Variants in NOTCH2NLB observed in about 807,000 individuals in gnomAD.
NOTCH2NLB encodes notch homolog 2 N-terminal-like protein B.
Under a neutral mutation model 14.8 loss-of-function variants are expected in NOTCH2NLB, and 1 was observed. That is an observed-to-expected ratio of 0.07 (90% confidence interval 0.02 to 0.32). The LOEUF is 0.32. NOTCH2NLB is among the 10% of genes least tolerant of loss of function. The pLI is 1.00. For missense variants in NOTCH2NLB, 11 were observed against 155.0 expected (o/e 0.07, Z 4.93); for synonymous variants, 6 against 57.5 (o/e 0.10, Z 4.05).
At chr1:148,661,332 T>G (rs1664678086) in intron 1 of NOTCH2NLB, among the ~76,000 whole-genome samples, 1 of 150,056 alleles carries the variant, frequency 6.7e-6, no homozygotes, top group Non-Finnish European at 1.5e-5. Flanking sequence ...CCAAGGTCTA[T>G]TCCTCCTCCC....
intron 3 of NOTCH2NLB, among the ~76,000 whole-genome samples, chr1:148,615,097 T>C (rs1663772754): frequency 7.3e-6 from 1 of 136,810 alleles, no homozygotes; most frequent in South Asian, 2.5e-4. Context: ...TGTACTTATT[T>C]CTTTTAGTGA....
At chr1:148,702,071 C>T in the NOTCH2NLB span, among the ~76,000 whole-genome samples, 6 of 101,968 alleles carry the variant, frequency 5.9e-5, no homozygotes, top group Middle Eastern at 3.8e-3. Flanking sequence ...AGCAACCTCT[C>T]CTGGTCACTG....
chr1:148,661,934 T>C (rs2149631102), intron 1 of NOTCH2NLB, among the ~76,000 whole-genome samples: 1 of 97,914 alleles, frequency 1.0e-5, no homozygotes, highest in East Asian at 2.6e-4. Flanking sequence ...TACACTGTTG[T>C]GGAAAGACAA....
the NOTCH2NLB span, among the ~76,000 whole-genome samples, chr1:148,708,213 G>A: frequency 3.2e-4 from 8 of 24,758 alleles, no homozygotes; most frequent in Non-Finnish European, 4.9e-4. Flanking sequence ...AAATAATTGC[G>A]TATTCATTTT....
chr1:148,651,160 A>AT (rs1277364573), intron 1 of NOTCH2NLB, among the ~76,000 whole-genome samples: 182 of 46,402 alleles, frequency 3.9e-3, no homozygotes, highest in East Asian at 9.0e-3. Flanking sequence ...AAAAAAAAAA[A>AT]AAATATATAT....
chr1:148,670,539 A>AATATATATATACACAT (rs1664749373), intron 1 of NOTCH2NLB, among the ~76,000 whole-genome samples: 1 of 93,482 alleles, frequency 1.1e-5, no homozygotes, highest in African/African-American at 4.3e-5. Context: ...TAAAAAAAAA[A>AATATATATATACACAT]ATATATATAT....
chr1:148,712,257 CT>C, the NOTCH2NLB span, among the ~76,000 whole-genome samples: 1 of 131,726 alleles, frequency 7.6e-6, no homozygotes, highest in Non-Finnish European at 1.6e-5. Flanking sequence ...AAACACTCAC[CT>C]TGTCCAAGAG....
chr1:148,605,024 T>C (rs1663467150), downstream of NOTCH2NLB, among the ~76,000 whole-genome samples: 1 of 143,516 alleles, frequency 7.0e-6, no homozygotes. Flanking sequence ...TGATTATAAT[T>C]AGGAGTGTCT....
At chr1:148,673,359 A>G (rs1375594187) in intron 1 of NOTCH2NLB, among the ~76,000 whole-genome samples, 1 of 24,198 alleles carries the variant, frequency 4.1e-5, no homozygotes, top group East Asian at 9.2e-4. Flanking sequence ...GAAACCCCAA[A>G]AGCAGGACCA....
intron 2 of NOTCH2NLB, among the ~76,000 whole-genome samples, chr1:148,627,678 C>A (rs1451776609): frequency 2.0e-5 from 3 of 151,474 alleles, no homozygotes; most frequent in South Asian, 2.1e-4. Context: ...ATTTCATTGT[C>A]TCAACTTAAA....
At chr1:148,703,605 G>T in the NOTCH2NLB span, among the ~76,000 whole-genome samples, 18 of 8,330 alleles carry the variant, frequency 2.2e-3, no homozygotes, top group South Asian at 0.013. Context: ...CATAGACCCA[G>T]TTAGACAGAA....
intron 1 of NOTCH2NLB, among the ~76,000 whole-genome samples, chr1:148,658,550 CTTTTTTT>C (rs1194273075): frequency 2.6e-5 from 1 of 38,586 alleles, no homozygotes; most frequent in African/African-American, 9.8e-5. Context: ...CCCAATACCA[CTTTTTTT>C]TTTTTTTTTT....
chr1:148,606,521 T>TA (rs1390299237), downstream of NOTCH2NLB, among the ~76,000 whole-genome samples: 1 of 147,690 alleles, frequency 6.8e-6, no homozygotes, highest in Non-Finnish European at 1.5e-5. Context: ...TGTGGCTTAG[T>TA]AATTCATCTG....
At chr1:148,651,144 G>GAAAAA (rs1159790526) in intron 1 of NOTCH2NLB, among the ~76,000 whole-genome samples, 22 of 76,482 alleles carry the variant, frequency 2.9e-4, no homozygotes, top group East Asian at 1.0e-3. Flanking sequence ...CTCTGCCTGA[G>GAAAAA]AAAAAAAAAA....
chr1:148,651,162 A>AATATATATATATATAT (rs1218372509), intron 1 of NOTCH2NLB, among the ~76,000 whole-genome samples: 27 of 45,998 alleles, frequency 5.9e-4, no homozygotes, highest in East Asian at 1.8e-3. Context: ...AAAAAAAAAA[A>AATATATATATATATAT]ATATATATAT....
At chr1:148,708,033 C>T in the NOTCH2NLB span, among the ~76,000 whole-genome samples, 15 of 69,274 alleles carry the variant, frequency 2.2e-4, 1 homozygote, top group East Asian at 3.4e-3. Flanking sequence ...ACAGTAAAGA[C>T]ACTTGACTGG....
chr1:148,604,940 C>G (rs1663460555), downstream of NOTCH2NLB, among the ~76,000 whole-genome samples: 1 of 128,552 alleles, frequency 7.8e-6, no homozygotes, highest in African/African-American at 3.1e-5. Flanking sequence ...AACATCTGCA[C>G]AACGCCATAT....
chr1:148,627,373 A>C (rs1452321620), intron 2 of NOTCH2NLB, among the ~76,000 whole-genome samples: 2 of 102,312 alleles, frequency 2.0e-5, no homozygotes. Context: ...TAAACTACTA[A>C]ACAGTATCTT....
chr1:148,625,364 C>T lies in NOTCH2NLB; in HGVS notation c.78-9414G>A, dbSNP rs1329105046. Reference sequence around the variant, plus strand: ...CTTTTTTTTTTTTTTTTTTTTAAAACGAGGATTTGGCCATTCAAGAAACAA... The same window carrying T: ...CTTTTTTTTTTTTTTTTTTTTAAAATGAGGATTTGGCCATTCAAGAAACAA... On this transcript the variant is annotated intron_variant, in intron 2 of 4. Transcript: ENST00000593495. 5.1e-5 allele frequency among the ~76,000 whole-genome samples: 4 copies of T among 78,488 alleles called. 2 individuals are homozygous for T. Among genetic ancestry groups the T allele is most frequent in the Non-Finnish European group, 9.4e-5 (4 of 42,558 alleles). The allele number at this position is 78,488 out of a possible 152,430, so 51.5% of individuals were successfully genotyped here. A position where few individuals can be genotyped will look rare whatever the true frequency, so the allele number is the denominator to read the frequency against.
Sources: gnomAD v4.1 joint callset for allele counts (sites outside exome capture counted in the v4.1 genomes callset) on GRCh38, gnomAD v4.1.1 for gene constraint, MANE v1.5 for transcripts, NCBI Gene and HGNC (gene_info 2026-07-23, HGNC 2026-07-21) for gene names.